EGFL6: variants seen among roughly 807,000 people sequenced by gnomAD.
EGFL6 encodes epidermal growth factor-like protein 6.
Under a neutral mutation model 43.1 loss-of-function variants are expected in EGFL6, and 42 were observed. The observed-to-expected ratio is 0.98, with a 90% CI of 0.76 to 1.26. EGFL6 has a LOEUF of 1.26. Among genes scored for constraint, EGFL6 ranks in the 50% most tolerant of loss-of-function variants. The pLI is 0.00. For synonymous variants in EGFL6, 164 were observed against 163.2 expected, an observed-to-expected ratio of 1.01 and a Z score of -0.04; for missense variants, 429 against 427.8, an observed-to-expected ratio of 1.00 and a Z score of -0.02.
intron 2 of EGFL6, chrX:13,590,378 G>A (rs2045556936): frequency 8.9e-6 from 1 of 111,912 alleles, no homozygotes. Flanking sequence ...CACTGGCAGT[G>A]TAGCAGAACC....
intron 8 of EGFL6, among the ~76,000 whole-genome samples, 153 bp downstream of exon 8, chrX:13,618,206 C>A (rs367922023): frequency 9.8e-5 from 11 of 112,402 alleles, no homozygotes; most frequent in African/African-American, 3.5e-4. Context: ...TGTCTAGAAA[C>A]GAATACCTTC....
chrX:13,598,614 G>C (rs987290871), intron 3 of EGFL6, among the ~76,000 whole-genome samples: 2 of 108,770 alleles, frequency 1.8e-5, no homozygotes, highest in African/African-American at 6.7e-5. Context: ...AAAGCACAGA[G>C]AAGAAAGTCA....
intron 9 of EGFL6, 147 bp from the exon 10 acceptor site, chrX:13,623,677 G>A: frequency 2.4e-6 from 1 of 425,234 alleles, no homozygotes; most frequent in East Asian, 4.1e-5. Context: ...TGTTCAGAAT[G>A]GCTTCACAGA....
chrX:13,569,984 C>A, intron 1 of EGFL6, 49 bp downstream of exon 1: 6 of 1,164,803 alleles, frequency 5.2e-6, no homozygotes, highest in Non-Finnish European at 7.0e-6. Context: ...GGCCTGAGGT[C>A]CCGCTTTGGG....
At chrX:13,589,937 G>T (rs1342305429) in intron 2 of EGFL6, among the ~76,000 whole-genome samples, 5 of 112,313 alleles carry the variant, frequency 4.5e-5, no homozygotes, top group African/African-American at 1.6e-4. Flanking sequence ...GTTTGTTTTT[G>T]GTTTTCTTTT....
rs182857982 is a variant in EGFL6, at chrX:13,632,341, G to A, written c.1552-644G>A. Among the ~76,000 whole-genome samples the A allele has an allele frequency of 9.8e-3, 830 of 84,723 alleles. 12 individuals are homozygous for A. Among genetic ancestry groups the A allele is most frequent in the African/African-American group, 0.037 (774 of 20,875 alleles). The allele number at this position is 84,723 out of a possible 115,157, so 73.6% of individuals were successfully genotyped here. A position where few individuals can be genotyped will look rare whatever the true frequency, so the allele number is the denominator to read the frequency against. ...TTTTGAGGCAGAGTCTCACTCTGTC[G>A]CCCAGGCTGGAGTGCAGTGGCGCGA... On this transcript the variant is annotated intron_variant, in intron 11 of 11. Coordinates refer to ENST00000361306, the MANE Select transcript of EGFL6 (RefSeq NM_015507.4).
chrX:13,577,297 T>TA (rs2045477077), intron 1 of EGFL6, among the ~76,000 whole-genome samples: 2 of 5,410 alleles, frequency 3.7e-4, no homozygotes, highest in Admixed American at 1.6e-3. Context: ...ATATATGAAT[T>TA]TTATATATAT....
rs1455334906 is a variant in EGFL6, at chrX:13,623,695, CA to C, written c.1184-125del. The stretch of plus-strand genomic sequence containing the variant: ...TCAGAATGGCTTCACAGACATAACT[CA>C]AAACAGGGTATGTCATGATCTGTAC... On this transcript the variant is annotated intron_variant, in intron 9 of 11. Transcript: ENST00000361306. 6.4e-6 allele frequency: 3 copies of C among 468,605 alleles called. No individual in the cohort carries two copies. In the Admixed American group the frequency reaches 1.2e-4, roughly 19 times the overall value. 38.6% of individuals were successfully genotyped at this position (468,605 alleles called of 1,213,427 possible). A position where few individuals can be genotyped will look rare whatever the true frequency, so the allele number is the denominator to read the frequency against.
intron 9 of EGFL6, among the ~76,000 whole-genome samples, chrX:13,619,789 G>T (rs2045740056): frequency 9.0e-6 from 1 of 111,616 alleles, no homozygotes; most frequent in Non-Finnish European, 1.9e-5. Context: ...TTGTGGGCCT[G>T]CTTCGTGATG....
intron 11 of EGFL6, among the ~76,000 whole-genome samples, chrX:13,632,284 G>T (rs1602663679): frequency 4.0e-5 from 4 of 99,064 alleles, no homozygotes; most frequent in South Asian, 4.8e-4. Flanking sequence ...TGACTATATA[G>T]TTTTGTTTTT....
intron 1 of EGFL6, among the ~76,000 whole-genome samples, chrX:13,572,294 T>A (rs1462394145): frequency 8.9e-6 from 1 of 111,894 alleles, no homozygotes; most frequent in Non-Finnish European, 1.9e-5. Context: ...CAAATACACA[T>A]CTAATTTTCA....
At chrX:13,608,212 C>T in intron 6 of EGFL6, 112 bp from the exon 7 acceptor site, 1 of 959,721 alleles carries the variant, frequency 1.0e-6, no homozygotes, top group Middle Eastern at 3.4e-4. Flanking sequence ...TCAGGCAATG[C>T]TTGGTTTGTC....
intron 4 of EGFL6, among the ~76,000 whole-genome samples, chrX:13,601,073 A>C (rs1340877883): frequency 1.8e-5 from 2 of 111,333 alleles, no homozygotes; most frequent in Non-Finnish European, 3.8e-5. Context: ...GAGAAAAATT[A>C]ATTATATATC....
Position 13,569,808 on chromosome X carries a change from G to C in EGFL6, c.-54G>C. The C allele has an allele frequency of 1.7e-6, 2 of 1,174,546 alleles. No homozygotes were observed. Among genetic ancestry groups the C allele is most frequent in the Non-Finnish European group, 2.3e-6 (2 of 863,295 alleles). ...CGGCGGCTTAGCTGCTACGGGGTCCGGCCGGCGCCCTCCCGAGGGGGGCTC... is the reference window on the plus strand; with the variant it reads ...CGGCGGCTTAGCTGCTACGGGGTCCCGCCGGCGCCCTCCCGAGGGGGGCTC... On this transcript the variant is annotated 5_prime_UTR_variant, in exon 1 of 12. Transcript: ENST00000361306.
chrX:13,598,194 A>G (rs1294616162), intron 3 of EGFL6, among the ~76,000 whole-genome samples: 2 of 112,203 alleles, frequency 1.8e-5, no homozygotes, highest in African/African-American at 6.5e-5. Context: ...TCCAATCAGC[A>G]TTTTTCAATT....
At chrX:13,577,713 G>A (rs941300296) in intron 1 of EGFL6, among the ~76,000 whole-genome samples, 1 of 111,875 alleles carries the variant, frequency 8.9e-6, no homozygotes, top group Non-Finnish European at 1.9e-5. Flanking sequence ...GAATGCATAA[G>A]GTGAGCATCA....
chrX:13,571,027 G>A (rs899419580), intron 1 of EGFL6, among the ~76,000 whole-genome samples: 1 of 110,859 alleles, frequency 9.0e-6, no homozygotes, highest in Admixed American at 9.6e-5. Context: ...GTGATGGGCT[G>A]CCCTGTGCAT....
intron 3 of EGFL6, among the ~76,000 whole-genome samples, chrX:13,598,873 TCATATATATAATTCA>T (rs1009944155): frequency 1.9e-5 from 2 of 105,135 alleles, no homozygotes; most frequent in East Asian, 2.9e-4. Context: ...CATATATATT[TCATATATATAATTCA>T]CATATATATA....
At chrX:13,597,867 T>C (rs1368098160) in intron 3 of EGFL6, among the ~76,000 whole-genome samples, 1 of 112,487 alleles carries the variant, frequency 8.9e-6, no homozygotes, top group Non-Finnish European at 1.9e-5. Context: ...TGGTTTTCCA[T>C]ATGTTTTGGA....
Sources: gnomAD v4.1 joint callset for allele counts (sites outside exome capture counted in the v4.1 genomes callset) on GRCh38, gnomAD v4.1.1 for gene constraint, MANE v1.5 for transcripts, NCBI Gene and HGNC (gene_info 2026-07-23, HGNC 2026-07-21) for gene names.